The following RRP12 variants were observed in gnomAD, a reference collection of about 807,000 sequenced individuals.
The protein encoded by RRP12 is ribosomal RNA processing 12 homolog, also known as RRP12-like protein.
In RRP12, 78 loss-of-function variants were observed where a neutral mutation model predicts 157.3. That is an observed-to-expected ratio of 0.50 (90% confidence interval 0.41 to 0.60). The LOEUF is 0.60. Among genes scored for constraint, RRP12 ranks in the 20% least tolerant of loss-of-function variants. RRP12 has a pLI of 0.00. For synonymous variants in RRP12, 726 were observed against 670.9 expected, an observed-to-expected ratio of 1.08 and a Z score of -1.27; for missense variants, 1,521 against 1,679.9, an observed-to-expected ratio of 0.91 and a Z score of 1.65.
intron 4 of RRP12, among the ~76,000 whole-genome samples, chr10:97,391,647 C>T (rs950460216): frequency 2.6e-5 from 4 of 151,986 alleles, no homozygotes; most frequent in Non-Finnish European, 4.4e-5. Context: ...TTCGGCCGGA[C>T]GCAGTGGCTC....
At chr10:97,359,763 C>A (rs149293838) in intron 31 of RRP12, among the ~76,000 whole-genome samples, 59 of 152,372 alleles carry the variant, frequency 3.9e-4, no homozygotes, top group East Asian at 3.9e-3. Flanking sequence ...GACCCCAGGT[C>A]TCTGCCTCAT....
chr10:97,371,173 G>T, intron 20 of RRP12, 92 bp from the exon 21 acceptor site: 1 of 1,372,806 alleles, frequency 7.3e-7, no homozygotes, highest in Non-Finnish European at 1.0e-6. Flanking sequence ...GGGATTCTGA[G>T]CAGGGGTCCG....
chr10:97,377,708 G>A (rs1335318614), intron 15 of RRP12, among the ~76,000 whole-genome samples: 6 of 151,954 alleles, frequency 3.9e-5, no homozygotes, highest in Non-Finnish European at 8.8e-5. Flanking sequence ...GCTGGGTGTG[G>A]TGGCAGGTGC....
chr10:97,392,695 A>T (rs1589439238), intron 4 of RRP12, among the ~76,000 whole-genome samples: 3 of 144,326 alleles, frequency 2.1e-5, no homozygotes, highest in Admixed American at 7.0e-5. Flanking sequence ...TTTTCTTTCT[A>T]TTTTTTTTTT....
intron 29 of RRP12, 170 bp downstream of exon 29, chr10:97,365,937 TA>T: frequency 1.2e-6 from 1 of 834,242 alleles, no homozygotes; most frequent in Non-Finnish European, 1.9e-6. Flanking sequence ...GGTTACAACA[TA>T]AAAAGATTTC....
At chr10:97,381,521 A>C (rs1289973561) in intron 11 of RRP12, 38 bp from the exon 12 acceptor site, 27 of 1,529,916 alleles carry the variant, frequency 1.8e-5, no homozygotes, top group Non-Finnish European at 2.4e-5. Context: ...GGCCCAAGGC[A>C]GCCCCCCAGG....
chr10:97,397,398 G>C (rs79193114), intron 2 of RRP12, among the ~76,000 whole-genome samples: 13,837 of 151,946 alleles, frequency 0.091, 1,567 homozygotes, highest in African/African-American at 0.27. Context: ...CTGACCTCAA[G>C]TGATCTGCCC....
intron 13 of RRP12, 141 bp downstream of exon 13, chr10:97,380,658 T>C (rs113588055): frequency 1.5e-6 from 1 of 648,366 alleles, no homozygotes; most frequent in African/African-American, 1.8e-5. Context: ...CAGGGGATAC[T>C]GCATGGGGCA....
At position 97,396,276 on chromosome 10, in the gene RRP12, G is replaced by C; in HGVS notation, c.395C>G (p.Thr132Ser). 1 of 1,613,856 alleles carries C rather than the reference G, an allele frequency of 6.2e-7. No homozygotes were observed. The change falls in exon 3 of 34, where the codon ACT becomes AGT. Residue 132 changes from threonine to serine, a missense_variant. Transcript: ENST00000370992. Reference sequence around the variant, plus strand: ...CCCTCCCTGGGAGCGAATCACCTCAGTGACAGCAGCCAGAACAGCACAGAT... The same window carrying C: ...CCCTCCCTGGGAGCGAATCACCTCACTGACAGCAGCCAGAACAGCACAGAT... ...KEICAVLAAV[T>S]EVIRSQGGKE...
Position 97,390,780 on chromosome 10 carries a change from A to C in RRP12, c.595T>G (p.Ser199Ala). ...GTGGAGCCGCTGCTGGCCTGAGCTG[A>C]CATGATATCCATGAAGGCTTTGGAG... The part of the protein sequence containing the change: ...DTSKAFMDIM[S>A]AQASSGSTSV... The change falls in exon 5 of 34, where the codon TCA (serine) becomes GCA (alanine). Residue 199 changes from serine (S) to alanine (A), a missense_variant. Ser to Ala is a moderately conservative substitution (Grantham distance 99). Transcript: ENST00000370992. 1 of 1,614,064 alleles carries C rather than the reference A, an allele frequency of 6.2e-7. No homozygotes were observed. The highest frequency in any genetic ancestry group is 8.5e-7 in the Non-Finnish European group (1 of 1,179,902).
intron 26 of RRP12, 32 bp downstream of exon 26, chr10:97,367,009 G>A: frequency 6.2e-7 from 1 of 1,611,738 alleles, no homozygotes; most frequent in Non-Finnish European, 8.5e-7. Context: ...CCCCTCGCTT[G>A]CCCTACCCCC....
At chr10:97,386,263 ATTTTTT>A (rs60314380) in intron 8 of RRP12, among the ~76,000 whole-genome samples, 6 of 138,948 alleles carry the variant, frequency 4.3e-5, no homozygotes, top group African/African-American at 5.3e-5. Flanking sequence ...TTACAGCTGT[ATTTTTT>A]TTTTTTTTTT....
chr10:97,376,526 T>C (rs1844313486), intron 15 of RRP12, among the ~76,000 whole-genome samples: 1 of 152,160 alleles, frequency 6.6e-6, no homozygotes, highest in Non-Finnish European at 1.5e-5. Flanking sequence ...CTTTCTTCTT[T>C]AAGCACTTCC....
intron 29 of RRP12, among the ~76,000 whole-genome samples, chr10:97,365,280 T>TG (rs1194001467): frequency 5.9e-4 from 88 of 149,468 alleles, no homozygotes; most frequent in Admixed American, 1.2e-3. Flanking sequence ...GTGTTTTTTT[T>TG]TTTTTTTTTT....
chr10:97,362,377 G>C (rs1200284279), intron 30 of RRP12, among the ~76,000 whole-genome samples: 3 of 152,212 alleles, frequency 2.0e-5, no homozygotes, highest in Admixed American at 6.5e-5. Flanking sequence ...AGGAGGCTTT[G>C]AATGGAAAAA....
At chr10:97,357,762 T>A (rs376575334) in intron 33 of RRP12, among the ~76,000 whole-genome samples, 255 of 151,922 alleles carry the variant, frequency 1.7e-3, no homozygotes, top group African/African-American at 6.0e-3. Context: ...ATCAAGACCA[T>A]CCTGGGTAAC....
intron 19 of RRP12, 45 bp downstream of exon 19, chr10:97,372,691 T>A: frequency 6.7e-7 from 1 of 1,492,198 alleles, no homozygotes; most frequent in African/African-American, 1.4e-5. Flanking sequence ...ACCCTCCAGC[T>A]CCCTGGGCTG....
Position 97,390,556 on chromosome 10 carries a change from G to A in RRP12, c.637-17C>T. 1 of 1,583,786 alleles carries A rather than the reference G, an allele frequency of 6.3e-7. No homozygotes were observed. Among genetic ancestry groups the A allele is most frequent in the Non-Finnish European group, 8.7e-7 (1 of 1,153,278 alleles). ...GGAAAGGACCTGGAAGAAAGTCAGA[G>A]TCCCTCAGTGCCACCAGCCTCGGCC... On this transcript the variant is annotated splice_polypyrimidine_tract_variant and intron_variant, in intron 5 of 33. Transcript: ENST00000370992.
At chr10:97,366,018 TG>T in intron 29 of RRP12, 89 bp downstream of exon 29, 1 of 1,545,518 alleles carries the variant, frequency 6.5e-7, no homozygotes, top group Non-Finnish European at 8.8e-7. Flanking sequence ...AGAGTTTCTC[TG>T]GTCTGTTTTT....
Sources: gnomAD v4.1 joint callset for allele counts (sites outside exome capture counted in the v4.1 genomes callset) on GRCh38, gnomAD v4.1.1 for gene constraint, MANE v1.5 for transcripts, NCBI Gene and HGNC (gene_info 2026-07-23, HGNC 2026-07-21) for gene names.